The following PPHLN1 variants were observed in gnomAD, a reference collection of about 807,000 sequenced individuals.
PPHLN1 encodes periphilin-1.
PPHLN1 carries 29 observed loss-of-function variants against 51.3 expected under a neutral mutation model. The ratio of observed to expected loss-of-function variants is 0.57; its 90% confidence interval spans 0.42 to 0.77. The LOEUF is 0.77. Among genes scored for constraint, PPHLN1 ranks in the 30% least tolerant of loss-of-function variants. PPHLN1 has a pLI of 0.00. For missense variants in PPHLN1, 436 were observed against 438.4 expected (o/e 0.99, Z 0.05); for synonymous variants, 147 against 147.8 (o/e 0.99, Z 0.04).
chr12:42,409,849 T>TG (rs1276268581), intron 9 of PPHLN1, among the ~76,000 whole-genome samples: 12 of 152,132 alleles, frequency 7.9e-5, no homozygotes, highest in African/African-American at 2.7e-4. Flanking sequence ...TGTCTTCTAT[T>TG]GGGGGTCTCA....
chr12:42,367,655 TTGTC>T (rs946065126), intron 4 of PPHLN1, among the ~76,000 whole-genome samples: 4 of 152,190 alleles, frequency 2.6e-5, no homozygotes, highest in African/African-American at 4.8e-5. Flanking sequence ...TTCGTATCGT[TTGTC>T]TGTTTTTTAT....
At chr12:42,362,318 GTTGA>G (rs2074784478) in intron 4 of PPHLN1, among the ~76,000 whole-genome samples, 1 of 152,050 alleles carries the variant, frequency 6.6e-6, no homozygotes, top group Admixed American at 6.6e-5. Context: ...CTTCCATTCT[GTTGA>G]TTGTCTTTTT....
At chr12:42,334,441 A>G (rs938429831) in intron 1 of PPHLN1, among the ~76,000 whole-genome samples, 10 of 152,164 alleles carry the variant, frequency 6.6e-5, no homozygotes, top group African/African-American at 2.4e-4. Flanking sequence ...TTGCTTTGCT[A>G]TAATAATATC....
rs554291238 is a variant in PPHLN1, at chr12:42,377,678, T to C, written c.511+2604T>C. ...TGATTTTCATTAAAGAAGAAGAAAGTATCTTTGGAAACTGATTATGAAAAC... is the reference window on the plus strand; with the variant it reads ...TGATTTTCATTAAAGAAGAAGAAAGCATCTTTGGAAACTGATTATGAAAAC... On this transcript the variant is annotated intron_variant, in intron 5 of 9. Transcript: ENST00000358314. Among the ~76,000 whole-genome samples the C allele has an allele frequency of 1.2e-4, 18 of 152,286 alleles. 1 individual carries two copies. The South Asian group carries it at 2.7e-3, about 23-fold the overall frequency.
chr12:42,386,125 C>T (rs2077171874), intron 6 of PPHLN1, among the ~76,000 whole-genome samples: 1 of 152,310 alleles, frequency 6.6e-6, no homozygotes. Flanking sequence ...CAGCCTAGGG[C>T]AGGAGTCCTC....
rs1208849249 is a variant in PPHLN1 at position 42,374,954 on chromosome 12, A to G, written c.391A>G (p.Arg131Gly). 3.7e-6 allele frequency: 6 copies of G among 1,613,648 alleles called. No homozygotes were observed. Among genetic ancestry groups the G allele is most frequent in the Non-Finnish European group, 2.5e-6 (3 of 1,179,902 alleles). Residue 131 changes from arginine (R) to glycine (G), a missense_variant, in exon 5 of 10, where the codon AGA (arginine) becomes GGA (glycine). Coordinates refer to ENST00000358314, the MANE Select transcript of PPHLN1 (RefSeq NM_201439.2). ...TTATAAAAGGGACAATACTTTTTTC[A>G]GAGAATCACCTGTTGGCCGAAAGGA... Reference protein sequence around the residue: ...SPYKRDNTFFRESPVGRKDSP... With the variant: ...SPYKRDNTFFGESPVGRKDSP...
chr12:42,400,776 TCTCTCTCTCTCTCTCTCTCTTTCA>T (rs1271924400), intron 9 of PPHLN1, among the ~76,000 whole-genome samples: 1 of 126,044 alleles, frequency 7.9e-6, no homozygotes, highest in Non-Finnish European at 1.6e-5. Flanking sequence ...TCTCTCTCTT[TCTCTCTCTCTCTCTCTCTCTTTCA>T]CACACACACA....
At chr12:42,395,118 A>C (rs2078082069) in intron 8 of PPHLN1, among the ~76,000 whole-genome samples, 1 of 152,056 alleles carries the variant, frequency 6.6e-6, no homozygotes, top group South Asian at 2.1e-4. Context: ...ATGCATCTTG[A>C]CACTGAATAA....
At chr12:42,434,047 C>T (rs148235244) in intron 9 of PPHLN1, among the ~76,000 whole-genome samples, 65 of 152,306 alleles carry the variant, frequency 4.3e-4, no homozygotes, top group African/African-American at 1.5e-3. Context: ...AGAGTGGGCA[C>T]AACAGCTCCA....
In PPHLN1 at chr12:42,336,585, C is replaced by T. The variant is rs148812927; in HGVS notation, c.72+611C>T. On this transcript the variant is annotated intron_variant, in intron 2 of 9. Coordinates refer to ENST00000358314, the MANE Select transcript of PPHLN1 (RefSeq NM_201439.2). ...TGCTCTGGGAATTGGGAATTTTGAG[C>T]CAAGCCTTTTCTAAGCCCAAAGAAC... is the stretch of plus-strand genomic sequence containing the variant. Among the ~76,000 whole-genome samples, 549 of 152,256 alleles carry T rather than the reference C, an allele frequency of 3.6e-3. 5 individuals carry two copies. The highest frequency in any genetic ancestry group is 0.013 in the African/African-American group (532 of 41,546).
intron 9 of PPHLN1, among the ~76,000 whole-genome samples, chr12:42,413,831 G>A (rs2080117299): frequency 6.6e-6 from 1 of 152,116 alleles, no homozygotes. Context: ...CCAAAGTGCT[G>A]GGATTACAGG....
chr12:42,332,779 T>G, intron 1 of PPHLN1: 1 of 859,124 alleles, frequency 1.2e-6, no homozygotes, highest in Non-Finnish European at 1.8e-6. Context: ...TTTTAATATT[T>G]CAGTATTAAA....
intron 9 of PPHLN1, among the ~76,000 whole-genome samples, chr12:42,416,355 A>C (rs1406466758): frequency 6.6e-6 from 1 of 152,216 alleles, no homozygotes; most frequent in Non-Finnish European, 1.5e-5. Context: ...ATTGGAAGGA[A>C]GTGTTCTGTT....
chr12:42,376,779 CTA>C (rs1169348374), intron 5 of PPHLN1, among the ~76,000 whole-genome samples: 1 of 152,222 alleles, frequency 6.6e-6, no homozygotes, highest in East Asian at 1.9e-4. Context: ...CAGAACGAGA[CTA>C]TGTCTCTAAA....
In PPHLN1 at chr12:42,378,576, ATAAT is replaced by A. The variant is rs201114949; in HGVS notation, c.511+3505_511+3508del. On this transcript the variant is annotated intron_variant, in intron 5 of 9. Transcript: ENST00000358314. The stretch of plus-strand genomic sequence containing the variant: ...TTATAAGTATAAATAACAGGTTAAA[ATAAT>A]TATGCCCTCATTAAAAAAAATTAAT... Among the ~76,000 whole-genome samples, 24 of 150,168 alleles carry A rather than the reference ATAAT, an allele frequency of 1.6e-4. No individual in the cohort carries two copies. The East Asian group carries it at 4.7e-3, about 29-fold the overall frequency.
At chr12:42,363,112 G>A (rs1183632528) in intron 4 of PPHLN1, among the ~76,000 whole-genome samples, 1 of 152,118 alleles carries the variant, frequency 6.6e-6, no homozygotes, top group Non-Finnish European at 1.5e-5. Context: ...TATGCTATGA[G>A]TGATAAAGTT....
chr12:42,398,165 C>G (rs73272041), intron 8 of PPHLN1, among the ~76,000 whole-genome samples: 2,216 of 152,136 alleles, frequency 0.015, 55 homozygotes, highest in African/African-American at 0.05. Flanking sequence ...ACTTAATCTC[C>G]CACCTGACCG....
At chr12:42,392,482 G>T (rs1373396333) in intron 7 of PPHLN1, among the ~76,000 whole-genome samples, 1 of 152,210 alleles carries the variant, frequency 6.6e-6, no homozygotes, top group African/African-American at 2.4e-5. Context: ...TGACTTTAGA[G>T]AAGTAAAGCT....
intron 9 of PPHLN1, among the ~76,000 whole-genome samples, chr12:42,407,357 G>T (rs1235535299): frequency 6.6e-6 from 1 of 152,202 alleles, no homozygotes; most frequent in African/African-American, 2.4e-5. Flanking sequence ...CATGCTGTTG[G>T]CAGAAGATTT....
Sources: gnomAD v4.1 joint callset for allele counts (sites outside exome capture counted in the v4.1 genomes callset) on GRCh38, gnomAD v4.1.1 for gene constraint, MANE v1.5 for transcripts, NCBI Gene and HGNC (gene_info 2026-07-23, HGNC 2026-07-21) for gene names.